Variants in DGKB observed in about 807,000 individuals in gnomAD.
DGKB encodes the protein diacylglycerol kinase beta.
In DGKB, 67 loss-of-function variants were observed where a neutral mutation model predicts 114.3. The observed-to-expected ratio is 0.59, with a 90% confidence interval of 0.48 to 0.72. The LOEUF is 0.72. Ranked by LOEUF, DGKB falls within the 30% of genes least tolerant of loss-of-function variation. The pLI is 0.00. For missense variants in DGKB, 907 were observed against 975.2 expected (o/e 0.93, Z 0.93); for synonymous variants, 398 against 323.1 (o/e 1.23, Z -2.49).
At chr7:14,359,633 C>G (rs1187453039) in intron 21 of DGKB, among the ~76,000 whole-genome samples, 1 of 152,116 alleles carries the variant, frequency 6.6e-6, no homozygotes, top group African/African-American at 2.4e-5. Flanking sequence ...AAAAAGCAAA[C>G]AACCCCATCA....
At chr7:14,684,079 C>G (rs1209792774) in intron 10 of DGKB, among the ~76,000 whole-genome samples, 2 of 152,056 alleles carry the variant, frequency 1.3e-5, no homozygotes, top group Non-Finnish European at 2.9e-5. Flanking sequence ...TAACATGTAA[C>G]TAAACTTTCA....
At chr7:14,912,231 T>C (rs995724092) in intron 1 of DGKB, among the ~76,000 whole-genome samples, 4 of 152,204 alleles carry the variant, frequency 2.6e-5, no homozygotes, top group African/African-American at 7.2e-5. Flanking sequence ...CATCCTCATA[T>C]GTTTCATATC....
chr7:14,361,147 C>T (rs1466907969), intron 21 of DGKB, among the ~76,000 whole-genome samples: 2 of 151,918 alleles, frequency 1.3e-5, no homozygotes, highest in Non-Finnish European at 2.9e-5. Flanking sequence ...TTTTGTTTTT[C>T]TTCACACATC....
chr7:14,292,537 G>A (rs1484411510), intron 23 of DGKB, among the ~76,000 whole-genome samples: 1 of 152,094 alleles, frequency 6.6e-6, no homozygotes, highest in African/African-American at 2.4e-5. Context: ...GTGTTTTTGA[G>A]CCCCCAAATA....
At chr7:14,798,019 C>A (rs1841644373) in intron 2 of DGKB, among the ~76,000 whole-genome samples, 1 of 152,238 alleles carries the variant, frequency 6.6e-6, no homozygotes, top group Admixed American at 6.5e-5. Context: ...AGGTTGCTGT[C>A]TGTGAGGCCG....
intron 1 of DGKB, among the ~76,000 whole-genome samples, chr7:14,855,424 A>C (rs982591262): frequency 6.6e-6 from 1 of 152,178 alleles, no homozygotes; most frequent in Admixed American, 6.5e-5. Flanking sequence ...GACATACTAG[A>C]AAAAAGATCT....
At chr7:14,744,799 C>T (rs889965104) in intron 4 of DGKB, among the ~76,000 whole-genome samples, 1 of 152,152 alleles carries the variant, frequency 6.6e-6, no homozygotes, top group Non-Finnish European at 1.5e-5. Context: ...ACTTACCACA[C>T]ATTTGTCATT....
intron 1 of DGKB, among the ~76,000 whole-genome samples, chr7:14,908,469 C>G (rs1042960934): frequency 6.6e-6 from 1 of 152,128 alleles, no homozygotes; most frequent in East Asian, 1.9e-4. Flanking sequence ...TGAAAGAGAA[C>G]AGAAAACCTC....
At position 14,149,052 on chromosome 7, in the gene DGKB, A is replaced by G; in HGVS notation, c.*79T>C. On this transcript the variant is annotated 3_prime_UTR_variant, in exon 26 of 26. Coordinates refer to ENST00000402815, the MANE Select transcript of DGKB (RefSeq NM_001350709.2). Reference sequence around the variant, plus strand: ...ATTTTGCATGAGCAGGAGACTTGAAATGGTTCAAAGATTTCCAGCATATGT... The same window carrying G: ...ATTTTGCATGAGCAGGAGACTTGAAGTGGTTCAAAGATTTCCAGCATATGT... 1.6e-6 allele frequency: 2 copies of G among 1,262,648 alleles called. No individual in the cohort carries two copies. The highest frequency in any genetic ancestry group is 1.2e-6 in the Non-Finnish European group (1 of 863,374). The allele number at this position is 1,262,648 out of a possible 1,614,324, so 78.2% of individuals were successfully genotyped here.
In DGKB at chr7:14,926,148, T is replaced by A. The variant is rs73287044; in HGVS notation, c.-188+48548A>T. On this transcript the variant is annotated intron_variant, in intron 1 of 4. Transcript: ENST00000437998. Reference sequence around the variant, plus strand: ...TTTTTTGCATCTATTAATATAATCATGATTTTTCTTTAAACTGTTTCTGTG... The same window carrying A: ...TTTTTTGCATCTATTAATATAATCAAGATTTTTCTTTAAACTGTTTCTGTG... Among the ~76,000 whole-genome samples the A allele has an allele frequency of 1.3e-3, 200 of 152,228 alleles. 2 individuals are homozygous for A. Among genetic ancestry groups the A allele is most frequent in the African/African-American group, 4.5e-3 (189 of 41,570 alleles).
intron 15 of DGKB, among the ~76,000 whole-genome samples, 158 bp from the exon 16 acceptor site, chr7:14,613,571 GTGTGCGTGTGTA>G (rs1187492031): frequency 3.0e-5 from 4 of 134,792 alleles, no homozygotes; most frequent in East Asian, 3.7e-4. Flanking sequence ...GTGTGCGTGT[GTGTGCGTGTGTA>G]TGTGTGTGTG....
At chr7:14,681,444 T>C (rs1179304267) in intron 12 of DGKB, among the ~76,000 whole-genome samples, 5 of 151,888 alleles carry the variant, frequency 3.3e-5, no homozygotes, top group Admixed American at 1.3e-4. Context: ...AGTGTGTGTG[T>C]ATGTGTGTGT....
chr7:14,443,118 C>G (rs1221523607), intron 21 of DGKB, among the ~76,000 whole-genome samples: 1 of 152,072 alleles, frequency 6.6e-6, no homozygotes, highest in South Asian at 2.1e-4. Flanking sequence ...TTTGTCTTCT[C>G]TATTTTTATT....
chr7:14,384,765 C>A (rs550752218), intron 21 of DGKB, among the ~76,000 whole-genome samples: 21 of 152,270 alleles, frequency 1.4e-4, no homozygotes, highest in African/African-American at 4.6e-4. Context: ...TATGTAGAGA[C>A]CTTTTTAGTT....
chr7:14,498,424 T>G (rs1225512670), intron 20 of DGKB, among the ~76,000 whole-genome samples: 1 of 151,812 alleles, frequency 6.6e-6, no homozygotes, highest in Admixed American at 6.6e-5. Flanking sequence ...TAAAAAGTCA[T>G]CAAATTTTAA....
chr7:14,963,654 G>C (rs916399145), intron 1 of DGKB, among the ~76,000 whole-genome samples: 4 of 152,146 alleles, frequency 2.6e-5, no homozygotes, highest in African/African-American at 9.6e-5. Context: ...ACAATGGTTG[G>C]ACAATTGTTT....
intron 20 of DGKB, among the ~76,000 whole-genome samples, chr7:14,480,724 G>C (rs949978802): frequency 1.3e-5 from 2 of 152,050 alleles, no homozygotes; most frequent in Admixed American, 1.3e-4. Flanking sequence ...TCCAAGCCTT[G>C]TGACTTCAAA....
intron 2 of DGKB, among the ~76,000 whole-genome samples, chr7:14,825,036 A>ATATATCTATC (rs1562636911): frequency 9.8e-5 from 14 of 142,546 alleles, no homozygotes; most frequent in African/African-American, 3.5e-4. Context: ...ATATATATAT[A>ATATATCTATC]TATATATATA....
At chr7:14,221,788 G>C (rs1277730173) in intron 23 of DGKB, among the ~76,000 whole-genome samples, 1 of 149,866 alleles carries the variant, frequency 6.7e-6, no homozygotes, top group Non-Finnish European at 1.5e-5. Flanking sequence ...AAGCCATCTG[G>C]GTCTTTGCTT....
Sources: allele counts gnomAD v4.1 joint callset (sites outside exome capture counted in the v4.1 genomes callset), GRCh38; gene constraint gnomAD v4.1.1; transcripts MANE v1.5; gene names NCBI Gene and HGNC (gene_info 2026-07-23, HGNC 2026-07-21).